JAKMIP3: variants seen among roughly 807,000 people sequenced by gnomAD.
JAKMIP3 encodes janus kinase and microtubule-interacting protein 3.
JAKMIP3 carries 58 observed loss-of-function variants against 118.5 expected under a neutral mutation model. That is an observed-to-expected ratio of 0.49 (90% CI 0.40 to 0.61). JAKMIP3 has a LOEUF of 0.61. JAKMIP3 is among the 20% of genes least tolerant of loss of function. The probability of loss-of-function intolerance (pLI) is 0.00; values close to 1 mark genes in which losing one functional copy is unlikely to be tolerated. For synonymous variants in JAKMIP3, 486 were observed against 451.2 expected (o/e 1.08, Z -0.98); for missense variants, 950 against 1,109.0 (o/e 0.86, Z 2.04).
chr10:132,083,156 A>G (rs1298561220), intron 1 of JAKMIP3, among the ~76,000 whole-genome samples: 1 of 152,236 alleles, frequency 6.6e-6, no homozygotes, highest in African/African-American at 2.4e-5. Flanking sequence ...CCAGCAATGC[A>G]GAAGTGTTCC....
At position 132,184,703 on chromosome 10, in the gene JAKMIP3, G is replaced by GATTTTACAAAT. The variant is rs1484286052; in HGVS notation, c.*3456_*3466dup. ...AATAGGTTTGTATGGTGATCTACAA[G>GATTTTACAAAT]ATTTTACAAATATTTTTGTATTGTG... On this transcript the variant is annotated 3_prime_UTR_variant, in exon 24 of 24. Transcript: ENST00000684848. The GATTTTACAAAT allele has an allele frequency of 6.6e-6, 1 of 152,136 alleles. No individual in the cohort carries two copies. Among genetic ancestry groups the GATTTTACAAAT allele is most frequent in the Non-Finnish European group, 1.5e-5 (1 of 68,028 alleles). The allele number at this position is 152,136 out of a possible 1,614,324, so 9.4% of individuals were successfully genotyped here. A position where few individuals can be genotyped will look rare whatever the true frequency, so the allele number is the denominator to read the frequency against.
At chr10:132,038,329 G>C (rs1041110970) in intron 1 of JAKMIP3, among the ~76,000 whole-genome samples, 3 of 152,168 alleles carry the variant, frequency 2.0e-5, no homozygotes, top group Non-Finnish European at 4.4e-5. Flanking sequence ...CCCACGCACA[G>C]GGCACAACCC....
At chr10:132,145,648 T>C in intron 13 of JAKMIP3, 68 bp downstream of exon 13, 1 of 1,340,766 alleles carries the variant, frequency 7.5e-7, no homozygotes, top group Non-Finnish European at 1.0e-6. Flanking sequence ...CAGTGGTCCC[T>C]GCGGGGCTGA....
chr10:132,039,514 G>C (rs1223163560), intron 1 of JAKMIP3, among the ~76,000 whole-genome samples: 3 of 152,140 alleles, frequency 2.0e-5, no homozygotes, highest in Non-Finnish European at 4.4e-5. Flanking sequence ...TCCCTGCAAG[G>C]CTGAGAGGCC....
chr10:132,097,205 A>G (rs939196520), intron 1 of JAKMIP3, among the ~76,000 whole-genome samples: 2 of 152,226 alleles, frequency 1.3e-5, no homozygotes, highest in South Asian at 4.1e-4. Context: ...CAGCTGGGCA[A>G]TAAACATCCA....
intron 3 of JAKMIP3, among the ~76,000 whole-genome samples, chr10:132,121,799 G>A (rs1226385932): frequency 2.0e-5 from 3 of 152,304 alleles, no homozygotes; most frequent in South Asian, 4.1e-4. Flanking sequence ...ACCCCAGCAA[G>A]GATGTGCTCT....
intron 3 of JAKMIP3, among the ~76,000 whole-genome samples, chr10:132,120,851 G>A (rs2048428461): frequency 6.6e-6 from 1 of 152,244 alleles, no homozygotes; most frequent in Non-Finnish European, 1.5e-5. Context: ...CTGCTCCCCA[G>A]GCCCAGCTGT....
intron 1 of JAKMIP3, among the ~76,000 whole-genome samples, chr10:132,043,215 A>T (rs1463767868): frequency 1.3e-5 from 2 of 151,826 alleles, no homozygotes; most frequent in East Asian, 3.9e-4. Flanking sequence ...TTACTTTTTA[A>T]TTTTTTTCTT....
At chr10:132,172,670 C>T (rs1319730229) in intron 23 of JAKMIP3, among the ~76,000 whole-genome samples, 1 of 151,954 alleles carries the variant, frequency 6.6e-6, no homozygotes, top group East Asian at 1.9e-4. Context: ...CACCCAGACG[C>T]TGCCACGGAG....
chr10:132,078,038 C>G (rs894394938), intron 1 of JAKMIP3, among the ~76,000 whole-genome samples: 3 of 152,220 alleles, frequency 2.0e-5, no homozygotes, highest in Admixed American at 6.5e-5. Context: ...TCTCGAACTC[C>G]TGGGCTCAGG....
intron 23 of JAKMIP3, among the ~76,000 whole-genome samples, chr10:132,180,901 T>C (rs2061358719): frequency 6.6e-6 from 1 of 152,130 alleles, no homozygotes; most frequent in African/African-American, 2.4e-5. Flanking sequence ...GTATGTGTTG[T>C]GCATTGCATG....
chr10:132,141,709 G>A (rs1240024062), intron 10 of JAKMIP3, among the ~76,000 whole-genome samples: 1 of 152,114 alleles, frequency 6.6e-6, no homozygotes, highest in Non-Finnish European at 1.5e-5. Flanking sequence ...CCCCTCCCCA[G>A]GGAAACCTTT....
At chr10:132,158,553 T>A (rs1261092462) in intron 19 of JAKMIP3, among the ~76,000 whole-genome samples, 2 of 152,238 alleles carry the variant, frequency 1.3e-5, no homozygotes, top group East Asian at 3.9e-4. Context: ...GGCACATGGT[T>A]GCTGGTTGGG....
intron 2 of JAKMIP3, among the ~76,000 whole-genome samples, chr10:132,111,445 C>A (rs887638722): frequency 1.3e-5 from 2 of 152,094 alleles, no homozygotes; most frequent in African/African-American, 4.8e-5. Context: ...ATGGGTGTGA[C>A]CTCGAGCGCC....
In JAKMIP3 at chr10:132,058,565, G is replaced by T. The variant is rs147186889; in HGVS notation, c.-138+21827G>T. Reference sequence around the variant, plus strand: ...GGAGGCCGCTCCCCTGGGCACGCAGGTGGTGAACTTCAGCAATGACTCATT... The same window carrying T: ...GGAGGCCGCTCCCCTGGGCACGCAGTTGGTGAACTTCAGCAATGACTCATT... On this transcript the variant is annotated intron_variant, in intron 1 of 23. Coordinates refer to the JAKMIP3 transcript ENST00000657785. Among the ~76,000 whole-genome samples the T allele has an allele frequency of 3.8e-3, 574 of 152,352 alleles. 2 individuals are homozygous for T. Among genetic ancestry groups the T allele is most frequent in the African/African-American group, 0.013 (545 of 41,586 alleles).
chr10:132,133,586 G>A (rs2135712768), intron 4 of JAKMIP3, 59 bp downstream of exon 4: 2 of 1,473,724 alleles, frequency 1.4e-6, no homozygotes, highest in Middle Eastern at 2.3e-4. Flanking sequence ...TGGCCATGTG[G>A]CTGCATGGCC....
At chr10:132,040,883 T>C (rs1384097679) in intron 1 of JAKMIP3, among the ~76,000 whole-genome samples, 2 of 152,182 alleles carry the variant, frequency 1.3e-5, no homozygotes, top group African/African-American at 4.8e-5. Flanking sequence ...CCAGTCTTTA[T>C]TGTTGTGATT....
At chr10:132,131,008 C>T (rs998976559) in intron 3 of JAKMIP3, among the ~76,000 whole-genome samples, 2 of 150,718 alleles carry the variant, frequency 1.3e-5, no homozygotes, top group Non-Finnish European at 3.0e-5. Flanking sequence ...AAGTCGGGGG[C>T]GGGCAGAGTG....
intron 1 of JAKMIP3, among the ~76,000 whole-genome samples, chr10:132,047,448 C>G (rs2037950613): frequency 6.6e-6 from 1 of 152,218 alleles, no homozygotes; most frequent in Non-Finnish European, 1.5e-5. Flanking sequence ...TGGGCCTGAT[C>G]ATTAAAAGGA....
Sources: allele counts gnomAD v4.1 joint callset (sites outside exome capture counted in the v4.1 genomes callset), GRCh38; gene constraint gnomAD v4.1.1; transcripts MANE v1.5; gene names NCBI Gene and HGNC (gene_info 2026-07-23, HGNC 2026-07-21).